Variants in ACAN observed in about 807,000 individuals in gnomAD.
The protein encoded by ACAN is aggrecan core protein.
ACAN carries 47 observed loss-of-function variants against 169.1 expected under a neutral mutation model. The observed-to-expected ratio is 0.28, with a 90% CI of 0.22 to 0.35. The LOEUF (loss-of-function observed/expected upper bound fraction) is 0.35, where lower values mean the gene tolerates loss of function less well. ACAN is among the 10% of genes least tolerant of loss of function. The probability of loss-of-function intolerance (pLI) is 1.00; values close to 1 mark genes in which losing one functional copy is unlikely to be tolerated. For missense variants in ACAN, 2,716 were observed against 2,759.9 expected (o/e 0.98, Z 0.36); for synonymous variants, 1,115 against 1,112.2 (o/e 1.00, Z -0.05).
At chr15:88,815,846 C>A (rs1895930054) in intron 1 of ACAN, among the ~76,000 whole-genome samples, 1 of 152,124 alleles carries the variant, frequency 6.6e-6, no homozygotes, top group Non-Finnish European at 1.5e-5. Context: ...CCTAGGCCTG[C>A]CATAACAAAG....
Position 88,874,676 on chromosome 15 carries a change from G to A in ACAN, c.*195G>A, listed in dbSNP as rs1897470251. The A allele has an allele frequency of 1.5e-6, 1 of 680,996 alleles. No individual in the cohort carries two copies. Among genetic ancestry groups the A allele is most frequent in the Admixed American group, 2.1e-5 (1 of 48,458 alleles). The allele number at this position is 680,996 out of a possible 1,614,324, so 42.2% of individuals were successfully genotyped here. ...AAATCAGCAAAACCGCATCTAATTT[G>A]TCCGCCGAATGCCAAAGCAAAGCAA... On this transcript the variant is annotated 3_prime_UTR_variant, in exon 19 of 19. Coordinates refer to ENST00000560601, the MANE Select transcript of ACAN (RefSeq NM_001369268.1). The surrounding 1 kb of genome is among the most constrained non-coding windows in gnomAD (Gnocchi z 7.3).
chr15:88,865,526 G>A lies in ACAN; in HGVS notation c.6947-2690G>A, dbSNP rs1038908005. On this transcript the variant is annotated intron_variant, in intron 13 of 18. Transcript: ENST00000560601. ...ATGGCATAGTGACGTCTTGCCACCT[G>A]GCCATTGGAAGGATAATGAAGGAGA... 5.9e-5 allele frequency among the ~76,000 whole-genome samples: 9 copies of A among 152,154 alleles called. No individual in the cohort carries two copies. In the South Asian group the frequency reaches 1.9e-3, roughly 32 times the overall value.
chr15:88,810,942 G>A (rs1305343202), intron 1 of ACAN, among the ~76,000 whole-genome samples: 1 of 152,098 alleles, frequency 6.6e-6, no homozygotes, highest in Non-Finnish European at 1.5e-5. Flanking sequence ...CTGCCTCTTG[G>A]GCCACTTGCT....
At chr15:88,832,710 T>C (rs1206439889) in intron 1 of ACAN, among the ~76,000 whole-genome samples, 4 of 152,226 alleles carry the variant, frequency 2.6e-5, no homozygotes, top group Non-Finnish European at 5.9e-5. Flanking sequence ...GTGTTTGAAA[T>C]GAATGCAGTT....
chr15:88,806,592 G>A (rs1355209305), intron 1 of ACAN, among the ~76,000 whole-genome samples: 1 of 152,124 alleles, frequency 6.6e-6, no homozygotes, highest in East Asian at 1.9e-4. Context: ...TCAGGTGATC[G>A]CCTGCCTCAG....
chr15:88,858,962 C>T lies in ACAN; in HGVS notation c.6377C>T (p.Ser2126Phe). 2 of 1,613,172 alleles carry T rather than the reference C, an allele frequency of 1.2e-6. No individual in the cohort carries two copies. The highest frequency in any genetic ancestry group is 2.2e-5 in the East Asian group (1 of 44,860). ...APEASREDSG[S>F]PDLSETTSAF... ...GAGGCCAGCAGAGAAGATTCTGGGT[C>T]CCCTGATCTGAGTGAAACCACCTCT... is the stretch of plus-strand genomic sequence containing the variant. The change falls in exon 12 of 19, where the codon TCC becomes TTC. Residue 2126 changes from serine to phenylalanine, a missense_variant. Coordinates refer to ENST00000560601, the MANE Select transcript of ACAN (RefSeq NM_001369268.1). The surrounding 1 kb of genome is among the most constrained non-coding windows in gnomAD (Gnocchi z 4.0).
chr15:88,851,478 A>G lies in ACAN; in HGVS notation c.2027-316A>G, dbSNP rs1322777760. 7.8e-6 allele frequency: 2 copies of G among 257,906 alleles called. No homozygotes were observed. The highest frequency in any genetic ancestry group is 8.0e-5 in the East Asian group (1 of 12,498). 16.0% of individuals were successfully genotyped at this position (257,906 alleles called of 1,614,324 possible). ...TCCCCATCTGTAAAATGAGATAATC[A>G]TATCTCTCTCATAAAGCTGTTGTGA... On this transcript the variant is annotated intron_variant, in intron 10 of 18. Coordinates refer to ENST00000560601, the MANE Select transcript of ACAN (RefSeq NM_001369268.1). This position sits in a 1 kb window ranked among gnomAD's most constrained non-coding sequence, Gnocchi z 4.3.
At chr15:88,830,865 C>T (rs570812949) in intron 1 of ACAN, among the ~76,000 whole-genome samples, 5 of 152,250 alleles carry the variant, frequency 3.3e-5, no homozygotes, top group Non-Finnish European at 5.9e-5. Context: ...TGCACTATGA[C>T]GCTACAACGG....
rs187588727 is a variant in ACAN at position 88,865,480 on chromosome 15, C to A, written c.6947-2736C>A. Reference sequence around the variant, plus strand: ...TACATCTCAAACATGTTAAAGAATTCACATGTTTTCTCACCTGTAAATGGC... The same window carrying A: ...TACATCTCAAACATGTTAAAGAATTAACATGTTTTCTCACCTGTAAATGGC... On this transcript the variant is annotated intron_variant, in intron 13 of 18. Coordinates refer to ENST00000560601, the MANE Select transcript of ACAN (RefSeq NM_001369268.1). 2.1e-3 allele frequency among the ~76,000 whole-genome samples: 311 copies of A among 151,124 alleles called. 1 individual carries two copies. The highest frequency in any genetic ancestry group is 7.3e-3 in the African/African-American group (295 of 40,396).
Position 88,838,842 on chromosome 15 carries a change from G to C in ACAN, c.250G>C (p.Val84Leu). 6.2e-7 allele frequency: 1 copy of C among 1,614,032 alleles called. No homozygotes were observed. Among genetic ancestry groups the C allele is most frequent in the Non-Finnish European group, 8.5e-7 (1 of 1,179,900 alleles). ...KWSRVSKEKEVVLLVATEGRV... is the reference protein window; with the variant it reads ...KWSRVSKEKELVLLVATEGRV... ...GAGCCGTGTGTCCAAGGAGAAGGAG[G>C]TAGTGCTGCTGGTGGCCACTGAAGG... Residue 84 changes from valine (V) to leucine (L), a missense_variant, in exon 3 of 19, where the codon GTA becomes CTA. By Grantham distance (32) the Val-to-Leu change is conservative (BLOSUM62 1). Transcript: ENST00000560601. This position sits in a 1 kb window ranked among gnomAD's most constrained non-coding sequence, Gnocchi z 5.1.
At chr15:88,842,328 C>T (rs1896681997) in intron 5 of ACAN, among the ~76,000 whole-genome samples, 1 of 152,190 alleles carries the variant, frequency 6.6e-6, no homozygotes, top group East Asian at 1.9e-4. Flanking sequence ...AGCCCCAGCT[C>T]TGTTCTTGGA....
In ACAN at chr15:88,849,912, CCTT is replaced by C. The variant is rs1470587925; in HGVS notation, c.2026+184_2026+186del. 5 of 849,004 alleles carry C rather than the reference CCTT, an allele frequency of 5.9e-6. No homozygotes were observed. Among genetic ancestry groups the C allele is most frequent in the Non-Finnish European group, 9.6e-6 (5 of 519,394 alleles). The allele number at this position is 849,004 out of a possible 1,614,324, so 52.6% of individuals were successfully genotyped here. A position where few individuals can be genotyped will look rare whatever the true frequency, so the allele number is the denominator to read the frequency against. On this transcript the variant is annotated intron_variant, in intron 10 of 18. Transcript: ENST00000560601. This position sits in a 1 kb window ranked among gnomAD's most constrained non-coding sequence, Gnocchi z 5.1. Reference sequence around the variant, plus strand: ...GGCTTTGACCCCAAGGCAAGGTCATCCTTCTAAAGTTCCCCAGAGACAAGTAGA... The same window carrying C: ...GGCTTTGACCCCAAGGCAAGGTCATCCTAAAGTTCCCCAGAGACAAGTAGA...
In ACAN at chr15:88,868,986, A is replaced by G. The variant is rs939702445; in HGVS notation, c.7060+657A>G. Among the ~76,000 whole-genome samples the G allele has an allele frequency of 6.6e-6, 1 of 152,200 alleles. No individual in the cohort carries two copies. The highest frequency in any genetic ancestry group is 1.5e-5 in the Non-Finnish European group (1 of 68,026). ...TGCAAGGCAAAGGGTGGCCAGAGAGAACAGAACTGTGTTACAAGGGGGAGG... is the reference window on the plus strand; with the variant it reads ...TGCAAGGCAAAGGGTGGCCAGAGAGGACAGAACTGTGTTACAAGGGGGAGG... On this transcript the variant is annotated intron_variant, in intron 14 of 18. Transcript: ENST00000560601. The surrounding 1 kb of genome is among the most constrained non-coding windows in gnomAD (Gnocchi z 5.2).
Position 88,857,710 on chromosome 15 carries a change from C to T in ACAN, c.5125C>T (p.Leu1709Phe), listed in dbSNP as rs773385814. ...ELDISGRASG[L>F]PSGTELSGQA... ...GGACATTAGTGGGAGAGCTAGTGGACTCCCTTCAGGAACTGAACTCAGTGG... is the reference window on the plus strand; with the variant it reads ...GGACATTAGTGGGAGAGCTAGTGGATTCCCTTCAGGAACTGAACTCAGTGG... The change falls in exon 12 of 19, where the codon CTC becomes TTC. Residue 1709 changes from leucine to phenylalanine, a missense_variant. This residue lies in a region of ACAN where 1,389 missense variants were observed against 1,363.7 expected (regional missense o/e 1.02). Coordinates refer to ENST00000560601, the MANE Select transcript of ACAN (RefSeq NM_001369268.1). The T allele has an allele frequency of 1.7e-5, 28 of 1,613,892 alleles. No individual in the cohort carries two copies. The highest frequency in any genetic ancestry group is 2.1e-5 in the Non-Finnish European group (25 of 1,179,900).
At chr15:88,835,351 C>T (rs113264181) in intron 1 of ACAN, among the ~76,000 whole-genome samples, 161 of 152,180 alleles carry the variant, frequency 1.1e-3, no homozygotes, top group South Asian at 5.6e-3. Context: ...TCCAAGGAAA[C>T]AAACCAATAG....
chr15:88,862,684 G>A (rs141117445), intron 13 of ACAN, among the ~76,000 whole-genome samples: 477 of 152,270 alleles, frequency 3.1e-3, no homozygotes, highest in Admixed American at 3.8e-3. Flanking sequence ...ACCACAATCA[G>A]GAACTACAGG....
intron 1 of ACAN, among the ~76,000 whole-genome samples, chr15:88,833,011 G>A (rs1896402784): frequency 6.6e-6 from 1 of 152,180 alleles, no homozygotes; most frequent in African/African-American, 2.4e-5. Context: ...TTAAGCAGTA[G>A]GCGTCCACCC....
At chr15:88,860,239 C>T in intron 12 of ACAN, 87 bp from the exon 13 acceptor site, 1 of 938,714 alleles carries the variant, frequency 1.1e-6, no homozygotes, top group Non-Finnish European at 1.6e-6. Context: ...ACTTCAGGAA[C>T]CTCATGCCCC....
chr15:88,805,355 G>A (rs1895652614), intron 1 of ACAN, among the ~76,000 whole-genome samples: 1 of 152,170 alleles, frequency 6.6e-6, no homozygotes, highest in Admixed American at 6.5e-5. Context: ...AGCGGCAGTG[G>A]GGAGGAGAGG....
Sources: gnomAD v4.1 joint callset for allele counts (sites outside exome capture counted in the v4.1 genomes callset) on GRCh38, gnomAD v4.1.1 for gene constraint, gnomAD v4.1.1 regional missense constraint, Gnocchi (gnomAD v3.1) non-coding constraint, MANE v1.5 for transcripts, NCBI Gene and HGNC (gene_info 2026-07-23, HGNC 2026-07-21) for gene names.